The following RYR1 variants were observed in gnomAD, a reference collection of about 807,000 sequenced individuals.
The protein encoded by RYR1 is ryanodine receptor 1, also known as central core disease of muscle.
A neutral mutation model predicts 583.5 loss-of-function variants in RYR1; 342 were observed. The ratio of observed to expected loss-of-function variants is 0.59; its 90% CI spans 0.54 to 0.64. The LOEUF (loss-of-function observed/expected upper bound fraction) is 0.64, where lower values mean the gene tolerates loss of function less well. Among genes scored for constraint, RYR1 ranks in the 30% least tolerant of loss-of-function variants. The probability of loss-of-function intolerance (pLI) is 0.00; values close to 1 mark genes in which losing one functional copy is unlikely to be tolerated. For missense variants in RYR1, 6,032 were observed against 6,917.2 expected (o/e 0.87, Z 4.54); for synonymous variants, 2,791 against 2,822.5 (o/e 0.99, Z 0.35).
At chr19:38,580,245 G>A (rs1360736160) in intron 100 of RYR1, 117 bp downstream of exon 100, 5 of 1,591,418 alleles carry the variant, frequency 3.1e-6, no homozygotes, top group Non-Finnish European at 4.3e-6. Flanking sequence ...GGTGCGCTGA[G>A]CCGGGGGTGT....
chr19:38,545,811 CAAAA>C (rs1972398151), intron 87 of RYR1, among the ~76,000 whole-genome samples: 2 of 152,194 alleles, frequency 1.3e-5, no homozygotes, highest in African/African-American at 4.8e-5. Context: ...AACTCTGTCT[CAAAA>C]AGAAAGAAAT....
intron 30 of RYR1, 38 bp downstream of exon 30, chr19:38,477,908 G>T: frequency 2.6e-6 from 4 of 1,530,658 alleles, no homozygotes; most frequent in Non-Finnish European, 1.8e-6. Context: ...TGCAGGGTGG[G>T]GAGGGCAGGA....
Position 38,585,135 on chromosome 19 carries a change from C to T in RYR1, c.14803+36C>T, listed in dbSNP as rs559242954. The T allele has an allele frequency of 1.9e-6, 3 of 1,607,718 alleles. No individual in the cohort carries two copies. In the South Asian group the frequency reaches 3.3e-5, roughly 18 times the overall value. ...GGAGTGGGCGCTCAGGGCCCGGAGG[C>T]AGGCTAGCTCCATGGCTAAGAATGC... is the stretch of plus-strand genomic sequence containing the variant. On this transcript the variant is annotated intron_variant, in intron 102 of 105. Coordinates refer to ENST00000359596, the MANE Select transcript of RYR1 (RefSeq NM_000540.3).
chr19:38,548,417 G>A lies in RYR1; in HGVS notation c.12279G>A (p.Gln4093=). The change falls in exon 89 of 106, where the codon CAG becomes CAA. Residue 4093 remains glutamine, a synonymous_variant. Transcript: ENST00000359596. ...GCCTCATCTCCAAGAAGGACTTCCA[G>A]AAGGTGGGTGTGGGACATCGTGTGG... ...PRGLISKKDF[Q]KAMDSQKQFS... 6.2e-7 allele frequency: 1 copy of A among 1,613,466 alleles called. No individual in the cohort carries two copies. The highest frequency in any genetic ancestry group is 2.2e-5 in the East Asian group (1 of 44,872).
Position 38,466,237 on chromosome 19 carries a change from A to G in RYR1, c.3017A>G (p.Tyr1006Cys), listed in dbSNP as rs749395580. Residue 1006 changes from tyrosine (Y) to cysteine (C), a missense_variant, in exon 24 of 106, where the codon TAC becomes TGC. By Grantham distance (194) the Tyr-to-Cys change is radical. Around this residue, in one of 11 missense-constraint regions of RYR1, gnomAD observed 2,627 missense variants for 2,961.3 expected, o/e 0.89. Transcript: ENST00000359596. The stretch of plus-strand genomic sequence containing the variant: ...GACCGCGTGGGCCAGGGCTGGAGCT[A>G]CAGCGCAGTGCAGGACATCCCAGCG... ...ARDRVGQGWS[Y>C]SAVQDIPARR... The G allele has an allele frequency of 6.2e-7, 1 of 1,613,428 alleles. No homozygotes were observed. Among genetic ancestry groups the G allele is most frequent in the Non-Finnish European group, 8.5e-7 (1 of 1,179,946 alleles).
chr19:38,505,833 A>G lies in RYR1; in HGVS notation c.8428A>G (p.Lys2810Glu). The G allele has an allele frequency of 6.2e-7, 1 of 1,614,148 alleles. No individual in the cohort carries two copies. Among genetic ancestry groups the G allele is most frequent in the South Asian group, 1.1e-5 (1 of 91,084 alleles). ...CAAAGAGATTTACCGCTGGCCCATCAAGGAGTCCCTGAAGGCCATGATTGC... is the reference window on the plus strand; with the variant it reads ...CAAAGAGATTTACCGCTGGCCCATCGAGGAGTCCCTGAAGGCCATGATTGC... ...KDKEIYRWPIKESLKAMIAWE... is the reference protein window; with the variant it reads ...KDKEIYRWPIEESLKAMIAWE... Residue 2810 changes from lysine (K) to glutamate (E), a missense_variant, in exon 54 of 106, where the codon AAG becomes GAG. Lys to Glu is a moderately conservative substitution (Grantham distance 56). Transcript: ENST00000359596.
At chr19:38,477,481 G>T (rs1043345286) in intron 29 of RYR1, among the ~76,000 whole-genome samples, 2 of 152,200 alleles carry the variant, frequency 1.3e-5, no homozygotes, top group East Asian at 3.9e-4. Context: ...AACCTGGGAG[G>T]AACCCAAATA....
rs63687561 is a variant in RYR1 at position 38,518,402 on chromosome 19, A to T, written c.10018+711A>T. On this transcript the variant is annotated intron_variant, in intron 66 of 105. Coordinates refer to ENST00000359596, the MANE Select transcript of RYR1 (RefSeq NM_000540.3). ...TGGTGAAACCTCGTCTCTATTATTT[A>T]AAAAAAAAAAAAAAAAAAAAAGAAA... 1.1e-3 allele frequency among the ~76,000 whole-genome samples: 75 copies of T among 67,532 alleles called. 1 individual carries two copies. The highest frequency in any genetic ancestry group is 9.3e-3 in the Middle Eastern group (1 of 108). The allele number at this position is 67,532 out of a possible 152,430, so 44.3% of individuals were successfully genotyped here.
At chr19:38,464,144 G>A (rs1358943532) in intron 22 of RYR1, among the ~76,000 whole-genome samples, 1 of 151,800 alleles carries the variant, frequency 6.6e-6, no homozygotes, top group African/African-American at 2.4e-5. Context: ...GGGCGTGGTG[G>A]TGCACCTCTG....
Position 38,585,952 on chromosome 19 carries a change from G to T in RYR1, c.14818G>T (p.Ala4940Ser). Reference protein sequence around the residue: ...LAIIQGLIIDAFGELRDQQEQ... With the variant: ...LAIIQGLIIDSFGELRDQQEQ... ...TGCCACCCCAGGTCTGATCATCGACGCTTTTGGTGAGCTCCGAGACCAACA... is the reference window on the plus strand; with the variant it reads ...TGCCACCCCAGGTCTGATCATCGACTCTTTTGGTGAGCTCCGAGACCAACA... Residue 4940 changes from alanine (A) to serine (S), a missense_variant, in exon 103 of 106, where the codon GCT (alanine) becomes TCT (serine). This residue lies in a region of RYR1 where 189 missense variants were observed against 350.3 expected (regional missense o/e 0.54). Coordinates refer to ENST00000359596, the MANE Select transcript of RYR1 (RefSeq NM_000540.3). The T allele has an allele frequency of 2.5e-6, 4 of 1,613,970 alleles. No homozygotes were observed. Among genetic ancestry groups the T allele is most frequent in the Non-Finnish European group, 3.4e-6 (4 of 1,179,986 alleles).
intron 83 of RYR1, 169 bp downstream of exon 83, chr19:38,536,936 A>T (rs1971997683): frequency 1.5e-6 from 1 of 685,048 alleles, no homozygotes. Flanking sequence ...TCTGGGGAGC[A>T]TGATTCAGGT....
Position 38,580,076 on chromosome 19 carries a change from G to C in RYR1, c.14459G>C (p.Gly4820Ala). 1.2e-6 allele frequency: 2 copies of C among 1,614,182 alleles called. No individual in the cohort carries two copies. The highest frequency in any genetic ancestry group is 8.5e-7 in the Non-Finnish European group (1 of 1,180,042). The change falls in exon 100 of 106, where the codon GGG (glycine) becomes GCG (alanine). Residue 4820 changes from glycine to alanine, a missense_variant. Physicochemically the swap from Gly to Ala is moderately conservative, Grantham distance 60 (BLOSUM62 0). Around this residue, in one of 11 missense-constraint regions of RYR1, gnomAD observed 189 missense variants for 350.3 expected, o/e 0.54. Transcript: ENST00000359596. ...GCCCATCTCCTGGACATCGCCATGGGGGTCAAGACGCTGCGCACCATCCTG... is the reference window on the plus strand; with the variant it reads ...GCCCATCTCCTGGACATCGCCATGGCGGTCAAGACGCTGCGCACCATCCTG... Reference protein sequence around the residue: ...FAAHLLDIAMGVKTLRTILSS... With the variant: ...FAAHLLDIAMAVKTLRTILSS...
At chr19:38,516,384 G>A (rs1049922938) in intron 65 of RYR1, among the ~76,000 whole-genome samples, 167 bp downstream of exon 65, 4 of 152,192 alleles carry the variant, frequency 2.6e-5, no homozygotes, top group East Asian at 1.9e-4. Flanking sequence ...TTTATGGTTC[G>A]GGGGCATTTC....
intron 20 of RYR1, among the ~76,000 whole-genome samples, chr19:38,461,984 G>A (rs1443246571): frequency 2.0e-5 from 3 of 149,738 alleles, no homozygotes; most frequent in African/African-American, 7.4e-5. Flanking sequence ...GAACCCGGGA[G>A]GTGGAGGTTG....
chr19:38,549,866 C>T (rs1972587437), intron 89 of RYR1, among the ~76,000 whole-genome samples: 2 of 141,876 alleles, frequency 1.4e-5, no homozygotes, highest in Admixed American at 7.4e-5. Context: ...CCACCATGCC[C>T]AGCTAAATTT....
chr19:38,559,922 AC>A (rs1186293624), intron 89 of RYR1, among the ~76,000 whole-genome samples: 1 of 147,668 alleles, frequency 6.8e-6, no homozygotes, highest in Non-Finnish European at 1.5e-5. Flanking sequence ...ATGTCATGAA[AC>A]CTTTTTTTTT....
At chr19:38,479,635 G>A (rs6508803) in intron 31 of RYR1, among the ~76,000 whole-genome samples, 19,717 of 151,676 alleles carry the variant, frequency 0.13, 3,437 homozygotes, top group African/African-American at 0.4. Flanking sequence ...CTGGTCTCTC[G>A]CTTCTGGGCT....
At chr19:38,495,309 C>A (rs972045798) in intron 39 of RYR1, among the ~76,000 whole-genome samples, 1 of 152,136 alleles carries the variant, frequency 6.6e-6, no homozygotes, top group Admixed American at 6.6e-5. Context: ...ATCTCATTCA[C>A]ACAGTAAACA....
Position 38,485,939 on chromosome 19 carries a change from C to T in RYR1, c.5284C>T (p.Leu1762=). The T allele has an allele frequency of 6.2e-7, 1 of 1,613,672 alleles. No homozygotes were observed. Among genetic ancestry groups the T allele is most frequent in the South Asian group, 1.1e-5 (1 of 91,086 alleles). ...STENGHPRHG[L]PGVGVTTSLR... ...AGAAAATGGTCACCCCCGGCATGGC[C>T]TGCCGGGAGTTGGAGTCACCACTTC... Residue 1762 remains leucine, a synonymous_variant, in exon 34 of 106, where the codon CTG becomes TTG. Transcript: ENST00000359596.
Sources: gnomAD v4.1 joint callset for allele counts (sites outside exome capture counted in the v4.1 genomes callset) on GRCh38, gnomAD v4.1.1 for gene constraint, gnomAD v4.1.1 regional missense constraint, MANE v1.5 for transcripts, NCBI Gene and HGNC (gene_info 2026-07-23, HGNC 2026-07-21) for gene names.